Variants in SUN1 observed in about 807,000 individuals in gnomAD.
The protein encoded by SUN1 is Sad1 and UNC84 domain containing 1, also known as SUN domain-containing protein 1.
A neutral mutation model predicts 103.2 loss-of-function variants in SUN1; 61 were observed. The ratio of observed to expected loss-of-function variants is 0.59; its 90% CI spans 0.48 to 0.73. The LOEUF (loss-of-function observed/expected upper bound fraction) is 0.73. SUN1 is among the 30% of genes least tolerant of loss of function. The pLI, the probability that SUN1 is intolerant of heterozygous loss-of-function variation, is 0.00. For synonymous variants in SUN1, 490 were observed against 425.7 expected, an observed-to-expected ratio of 1.15 and a Z score of -1.86; for missense variants, 1,052 against 1,034.6, an observed-to-expected ratio of 1.02 and a Z score of -0.23.
upstream of SUN1, among the ~76,000 whole-genome samples, chr7:830,546 G>A (rs1275577114): frequency 3.3e-5 from 5 of 152,268 alleles, no homozygotes; most frequent in Middle Eastern, 3.4e-3. Flanking sequence ...TCAGAATGAT[G>A]AAGACAGATT....
chr7:871,994 C>T (rs975447699), intron 17 of SUN1, among the ~76,000 whole-genome samples: 1 of 152,220 alleles, frequency 6.6e-6, no homozygotes, highest in East Asian at 1.9e-4. Flanking sequence ...TGAACCCTGA[C>T]TCCCCACACC....
chr7:869,780 C>A (rs905972646), intron 17 of SUN1, among the ~76,000 whole-genome samples: 3 of 152,184 alleles, frequency 2.0e-5, no homozygotes, highest in Non-Finnish European at 4.4e-5. Flanking sequence ...CCGCCCTTGC[C>A]AAGTTGCCTG....
intron 15 of SUN1, among the ~76,000 whole-genome samples, chr7:864,650 A>G (rs893431094): frequency 1.2e-5 from 1 of 81,334 alleles, no homozygotes; most frequent in African/African-American, 4.2e-5. Context: ...TCGTAGAGAC[A>G]AAGAGTCTCG....
upstream of SUN1, chr7:816,237 T>C (rs1244987657): frequency 1.4e-5 from 1 of 69,704 alleles, no homozygotes; most frequent in Non-Finnish European, 2.3e-5. Context: ...CTCCCCCAGG[T>C]GCAGATCCCT....
Position 857,915 on chromosome 7 carries a change from C to G in SUN1, c.1482C>G (p.His494Gln). 1 of 1,600,962 alleles carries G rather than the reference C, an allele frequency of 6.2e-7. No homozygotes were observed. The change falls in exon 13 of 19, where the codon CAC becomes CAG. Residue 494 changes from histidine (H) to glutamine (Q), a missense_variant. This residue lies in a region of SUN1 where 846 missense variants were observed against 774.5 expected (regional missense o/e 1.09). Coordinates refer to ENST00000401592, the MANE Select transcript of SUN1 (RefSeq NM_001130965.3). Reference protein sequence around the residue: ...QLKSELSSWRHVKTGCETVDA... With the variant: ...QLKSELSSWRQVKTGCETVDA... ...AGTCAGAGCTGTCCAGCTGGCGACACGTGAAGACCGGCTGTGAGACAGTGG... is the reference window on the plus strand; with the variant it reads ...AGTCAGAGCTGTCCAGCTGGCGACAGGTGAAGACCGGCTGTGAGACAGTGG...
chr7:869,625 C>T (rs989515122), intron 17 of SUN1, 109 bp downstream of exon 17: 24 of 1,308,772 alleles, frequency 1.8e-5, no homozygotes, highest in East Asian at 1.2e-4. Context: ...GCTGCCCCTC[C>T]GCCCTCTCTC....
intron 17 of SUN1, among the ~76,000 whole-genome samples, chr7:870,022 C>CTAAA (rs1562840555): frequency 1.3e-4 from 18 of 139,326 alleles, no homozygotes; most frequent in African/African-American, 4.8e-4. Context: ...GGTGAAACCG[C>CTAAA]GTCTCTACTA....
chr7:849,680 T>C (rs759921230), intron 5 of SUN1: 8 of 1,465,054 alleles, frequency 5.5e-6, no homozygotes. Flanking sequence ...GTACTAGCAG[T>C]AGAGAATGAA....
chr7:839,111 G>A, intron 2 of SUN1, 125 bp downstream of exon 2: 4 of 944,600 alleles, frequency 4.2e-6, no homozygotes, highest in Non-Finnish European at 5.9e-6. Context: ...GTATGTGCGT[G>A]TACAGACACA....
rs1022569816 is a variant in SUN1 at position 852,535 on chromosome 7, T to C, written c.852-74T>C. ...GGGGTGGATTTTGCACAAAATTATC[T>C]AGAGGGGGAAAACAGATTGGTGAAC... On this transcript the variant is annotated intron_variant, in intron 7 of 18. Coordinates refer to ENST00000401592, the MANE Select transcript of SUN1 (RefSeq NM_001130965.3). 3.8e-6 allele frequency: 6 copies of C among 1,587,942 alleles called. No homozygotes were observed. The African/African-American group carries it at 6.7e-5, about 18-fold the overall frequency.
At chr7:829,548 G>T (rs1048702922), upstream of SUN1, among the ~76,000 whole-genome samples, 57 of 143,862 alleles carry the variant, frequency 4.0e-4, no homozygotes, top group East Asian at 4.4e-3. Context: ...AAAATAACTG[G>T]TTTTTTTTTT....
At chr7:868,001 G>A (rs904428901) in intron 16 of SUN1, among the ~76,000 whole-genome samples, 28 of 152,378 alleles carry the variant, frequency 1.8e-4, no homozygotes, top group African/African-American at 6.5e-4. Flanking sequence ...TAGGCTTTGG[G>A]CTGGCAAAGG....
At chr7:872,044 T>C (rs1370052810) in intron 17 of SUN1, among the ~76,000 whole-genome samples, 1 of 152,188 alleles carries the variant, frequency 6.6e-6, no homozygotes. Flanking sequence ...GCCTGCTCTC[T>C]TCCCAAAGTC....
intron 1 of SUN1, among the ~76,000 whole-genome samples, chr7:825,215 C>CAG (rs1246181558): frequency 2.6e-5 from 4 of 152,242 alleles, no homozygotes; most frequent in East Asian, 1.9e-4. Flanking sequence ...CCCGCCACTG[C>CAG]GCCCGGCTAA....
intron 10 of SUN1, among the ~76,000 whole-genome samples, chr7:853,993 C>T (rs985704125): frequency 6.6e-6 from 1 of 152,014 alleles, no homozygotes; most frequent in African/African-American, 2.4e-5. Context: ...TGGACACAAA[C>T]CGTCTCGTGT....
intron 7 of SUN1, 77 bp from the exon 8 acceptor site, chr7:852,532 A>T: frequency 3.8e-6 from 6 of 1,583,134 alleles, no homozygotes; most frequent in Non-Finnish European, 5.2e-6. Context: ...GCACAAAATT[A>T]TCTAGAGGGG....
In SUN1 at chr7:873,237, T is replaced by C; in HGVS notation, c.2264T>C (p.Phe755Ser). 1 of 1,614,274 alleles carries C rather than the reference T, an allele frequency of 6.2e-7. No homozygotes were observed. The highest frequency in any genetic ancestry group is 1.1e-5 in the South Asian group (1 of 91,086). The change falls in exon 19 of 19, where the codon TTC becomes TCC. Residue 755 changes from phenylalanine (F) to serine (S), a missense_variant. Phe to Ser is a radical substitution (Grantham distance 155, BLOSUM62 -2). Around this residue, in one of 2 missense-constraint regions of SUN1, gnomAD observed 206 missense variants for 260.1 expected, o/e 0.79. Transcript: ENST00000401592. ...CAGAAAAGACCCGACGACACAGCTT[T>C]CCAAATAGTGGAACTTCGGATTTTT... The part of the protein sequence containing the change: ...QALKRPDDTA[F>S]QIVELRIFSN...
chr7:817,574 G>A (rs1781980620), intron 1 of SUN1: 2 of 1,507,988 alleles, frequency 1.3e-6, no homozygotes, highest in Non-Finnish European at 1.8e-6. Flanking sequence ...GATTCCGGGT[G>A]GGAAGCTGCC....
chr7:851,735 A>G (rs1822372972), intron 6 of SUN1: 1 of 626,436 alleles, frequency 1.6e-6, no homozygotes, highest in African/African-American at 1.8e-5. Flanking sequence ...GAATGCATGG[A>G]TCTGGGGCTT....
Sources: allele counts gnomAD v4.1 joint callset (sites outside exome capture counted in the v4.1 genomes callset), GRCh38; gene constraint gnomAD v4.1.1; regional missense constraint gnomAD v4.1.1; transcripts MANE v1.5; gene names NCBI Gene and HGNC (gene_info 2026-07-23, HGNC 2026-07-21).